CCDC74B: variants seen among roughly 807,000 people sequenced by gnomAD.
The protein encoded by CCDC74B is coiled-coil domain containing 74B.
A neutral mutation model predicts 38.0 loss-of-function variants in CCDC74B; 34 were observed. That is an observed-to-expected ratio of 0.89 (90% confidence interval 0.68 to 1.19). The LOEUF is 1.19. Among genes scored for constraint, CCDC74B ranks in the 50% most tolerant of loss-of-function variants. The pLI, the probability that CCDC74B is intolerant of heterozygous loss-of-function variation, is 0.00. For synonymous variants in CCDC74B, 132 were observed against 170.4 expected (o/e 0.77, Z 1.76); for missense variants, 358 against 406.0 (o/e 0.88, Z 1.02).
Position 130,139,671 on chromosome 2 carries a change from C to T in CCDC74B, c.829G>A (p.Val277Met). The part of the protein sequence containing the change: ...SKKCLLLSPP[V>M]AERAILPALK... ...GCGGGCAGGATGGCACGCTCCGCCA[C>T]AGGTGGGCTCAGAAGCAGGCTGGGG... The change falls in exon 8 of 8, where the codon GTG becomes ATG. Residue 277 changes from valine to methionine, a missense_variant. Physicochemically the swap from Val to Met is conservative, Grantham distance 21 (BLOSUM62 1). Coordinates refer to ENST00000409943, the MANE Select transcript of CCDC74B (RefSeq NM_001258307.2). 1 of 1,613,130 alleles carries T rather than the reference C, an allele frequency of 6.2e-7. No individual in the cohort carries two copies. Among genetic ancestry groups the T allele is most frequent in the Admixed American group, 1.7e-5 (1 of 60,008 alleles).
chr2:130,142,107 G>A (rs372365368), intron 3 of CCDC74B, 26 bp downstream of exon 3: 178 of 1,608,704 alleles, frequency 1.1e-4, no homozygotes, highest in Non-Finnish European at 1.4e-4. Context: ...TCACCCCTGT[G>A]AGCACATGGA....
At chr2:130,140,809 C>T in intron 4 of CCDC74B, 1 of 263,544 alleles carries the variant, frequency 3.8e-6, no homozygotes, top group Middle Eastern at 1.1e-3. Flanking sequence ...TAGTGCCCTC[C>T]AAAGGCAGGC....
chr2:130,143,314 C>G lies in CCDC74B; in HGVS notation c.251-1G>C. ...TTCATTATGAGCTTGTAACGGAGATCTGAAAGCAAGCACACGCTCTCCTCA... is the reference window on the plus strand; with the variant it reads ...TTCATTATGAGCTTGTAACGGAGATGTGAAAGCAAGCACACGCTCTCCTCA... On this transcript the variant is annotated splice_acceptor_variant, in intron 1 of 7. Coordinates refer to ENST00000409943, the MANE Select transcript of CCDC74B (RefSeq NM_001258307.2). LOFTEE classifies it high-confidence loss of function. 1.2e-6 allele frequency: 2 copies of G among 1,614,012 alleles called. No homozygotes were observed. Among genetic ancestry groups the G allele is most frequent in the Non-Finnish European group, 1.7e-6 (2 of 1,179,860 alleles).
At chr2:130,140,125 G>A in intron 5 of CCDC74B, 29 bp from the exon 6 acceptor site, 1 of 1,612,488 alleles carries the variant, frequency 6.2e-7, no homozygotes, top group Non-Finnish European at 8.5e-7. Flanking sequence ...GGCGTGGTGG[G>A]GCCTGTGGCG....
chr2:130,143,455 C>T (rs1365488744), intron 1 of CCDC74B, 142 bp from the exon 2 acceptor site: 12 of 1,110,616 alleles, frequency 1.1e-5, no homozygotes, highest in East Asian at 2.4e-5. Flanking sequence ...CCATGGATCC[C>T]GCTCTCCACC....
rs572772270 is a variant in CCDC74B at position 130,144,748 on chromosome 2, C to G, written c.249G>C (p.Lys83Asn). The change falls in exon 1 of 8, where the codon AAG becomes AAC. Residue 83 changes from lysine to asparagine, a missense_variant and splice_region_variant. Around this residue, in one of 3 missense-constraint regions of CCDC74B, gnomAD observed 128 missense variants for 146.7 expected, o/e 0.87. Coordinates refer to ENST00000409943, the MANE Select transcript of CCDC74B (RefSeq NM_001258307.2). ...EEIEHLKRENKDLRYKLIMNQ... is the reference protein window; with the variant it reads ...EEIEHLKRENNDLRYKLIMNQ... ...GCCTAGGGCCCCGCGCCGGCTCACC[C>G]TTGTTTTCCCGCTTCAGATGCTCGA... The G allele has an allele frequency of 1.9e-5, 30 of 1,612,074 alleles. No homozygotes were observed. In the East Asian group the frequency reaches 5.8e-4, roughly 31 times the overall value.
chr2:130,139,929 A>G lies in CCDC74B; in HGVS notation c.771T>C (p.His257=), dbSNP rs561795482. 12 of 1,612,110 alleles carry G rather than the reference A, an allele frequency of 7.4e-6. No individual in the cohort carries two copies. The East Asian group carries it at 2.0e-4, about 27-fold the overall frequency. ...ASFPRDQEAT[H]FPKVSTKSLS... is the part of the protein sequence containing the mutation. ...GGCTCTTGGTGGAGACCTTGGGGAAATGCGTGGCTTCTTGGTCCCTGGGTG... is the reference window on the plus strand; with the variant it reads ...GGCTCTTGGTGGAGACCTTGGGGAAGTGCGTGGCTTCTTGGTCCCTGGGTG... The change falls in exon 7 of 8, where the codon CAT becomes CAC. Residue 257 remains histidine (H), a synonymous_variant. Transcript: ENST00000409943.
At chr2:130,141,961 A>AACCCCACCCCGTGGCT in intron 3 of CCDC74B, 172 bp downstream of exon 3, 1 of 789,264 alleles carries the variant, frequency 1.3e-6, no homozygotes, top group Non-Finnish European at 1.9e-6. Context: ...CCCCCCCTTA[A>AACCCCACCCCGTGGCT]TCCCCTCCCG....
chr2:130,145,111 T>TGGCGGG lies in CCDC74B; in HGVS notation c.-116_-115insCCCGCC, dbSNP rs1685958810. 1.4e-6 allele frequency: 2 copies of TGGCGGG among 1,384,996 alleles called. No homozygotes were observed. Among genetic ancestry groups the TGGCGGG allele is most frequent in the Non-Finnish European group, 1.9e-6 (2 of 1,067,258 alleles). The allele number at this position is 1,384,996 out of a possible 1,614,324, so 85.8% of individuals were successfully genotyped here. On this transcript the variant is annotated 5_prime_UTR_variant, in exon 1 of 8. Coordinates refer to ENST00000409943, the MANE Select transcript of CCDC74B (RefSeq NM_001258307.2). ...CGGGCGACGGAGGGCGCCAGGCGTTTGGCGGGGGCGGGGCCTGTCGCTGGC... is the reference window on the plus strand; with the variant it reads ...CGGGCGACGGAGGGCGCCAGGCGTTTGGCGGGGGCGGGGGCGGGGCCTGTCGCTGGC...
In CCDC74B at chr2:130,144,900, A is replaced by G. The variant is rs1685939346; in HGVS notation, c.97T>C (p.Ser33Pro). 1 of 1,594,594 alleles carries G rather than the reference A, an allele frequency of 6.3e-7. No individual in the cohort carries two copies. The highest frequency in any genetic ancestry group is 8.5e-7 in the Non-Finnish European group (1 of 1,174,772). ...AGCTGCGGGCTCTGCGGCCTCAAGG[A>G]CTGGACGCCCACAGAGGGGCGCTGG... ...RRQRPSVGVQ[S>P]LRPQSPQLRQ... The change falls in exon 1 of 8, where the codon TCC becomes CCC. Residue 33 changes from serine (S) to proline (P), a missense_variant. Coordinates refer to ENST00000409943, the MANE Select transcript of CCDC74B (RefSeq NM_001258307.2).
At chr2:130,139,756 C>A in intron 7 of CCDC74B, 66 bp from the exon 8 acceptor site, 1 of 1,607,102 alleles carries the variant, frequency 6.2e-7, no homozygotes, top group Non-Finnish European at 8.5e-7. Context: ...GGGAGTGCGG[C>A]CTGCATGGCC....
intron 1 of CCDC74B, among the ~76,000 whole-genome samples, chr2:130,144,208 C>G (rs573040928): frequency 1.3e-5 from 2 of 152,132 alleles, no homozygotes; most frequent in South Asian, 2.1e-4. Context: ...GGCAAGATCT[C>G]GGCTCACTGC....
chr2:130,144,149 G>GTT (rs941002806), intron 1 of CCDC74B, among the ~76,000 whole-genome samples: 2 of 152,002 alleles, frequency 1.3e-5, no homozygotes, highest in South Asian at 4.2e-4. Context: ...GTTTGTTTTT[G>GTT]TTTTTTTTGA....
At chr2:130,140,894 C>T (rs2259366) in intron 4 of CCDC74B, 72,942 of 210,830 alleles carry the variant, frequency 0.35, 15,361 homozygotes, top group African/African-American at 0.69. Flanking sequence ...GTTTAGGGGC[C>T]GCTACTGGCC....
rs1478471369 is a variant in CCDC74B at position 130,142,670 on chromosome 2, C to T, written c.296-487G>A. 6.5e-6 allele frequency: 10 copies of T among 1,543,298 alleles called. No homozygotes were observed. The East Asian group carries it at 2.0e-4, about 30-fold the overall frequency. On this transcript the variant is annotated intron_variant, in intron 2 of 7. Coordinates refer to ENST00000409943, the MANE Select transcript of CCDC74B (RefSeq NM_001258307.2). The stretch of plus-strand genomic sequence containing the variant: ...GTCAGATGTCCTCCTGATGTCAGCC[C>T]CAGCCCCAAAGATAACGGGAAGTGA...
Position 130,144,921 on chromosome 2 carries a change from G to C in CCDC74B, c.76C>G (p.Arg26Gly), listed in dbSNP as rs573987925. 651 of 1,547,926 alleles carry C rather than the reference G, an allele frequency of 4.2e-4. 2 individuals are homozygous for C. The Middle Eastern group carries it at 9.4e-3, about 22-fold the overall frequency. ...PTPGSRRRRQ[R>G]PSVGVQSLRP... ...AAGGACTGGACGCCCACAGAGGGGC[G>C]CTGGCGCCGGCGCCGAGAGCCCGGG... The change falls in exon 1 of 8, where the codon CGC (arginine) becomes GGC (glycine). Residue 26 changes from arginine to glycine, a missense_variant. Coordinates refer to ENST00000409943, the MANE Select transcript of CCDC74B (RefSeq NM_001258307.2).
chr2:130,142,439 C>T, intron 2 of CCDC74B: 2 of 1,613,340 alleles, frequency 1.2e-6, no homozygotes, highest in South Asian at 1.1e-5. Flanking sequence ...GAGAGCATGG[C>T]CTCTTCCCGT....
chr2:130,143,198 A>G, intron 2 of CCDC74B, 71 bp downstream of exon 2: 3 of 1,574,642 alleles, frequency 1.9e-6, no homozygotes, highest in Non-Finnish European at 2.6e-6. Context: ...CCAGGTGGGC[A>G]AGGACAGTCT....
chr2:130,142,048 C>G, intron 3 of CCDC74B, 85 bp downstream of exon 3: 4 of 1,573,358 alleles, frequency 2.5e-6, no homozygotes, highest in Non-Finnish European at 3.5e-6. Context: ...CAGAGGGTAC[C>G]TGGTCAGCAC....
Sources: allele counts gnomAD v4.1 joint callset (sites outside exome capture counted in the v4.1 genomes callset), GRCh38; gene constraint gnomAD v4.1.1; regional missense constraint gnomAD v4.1.1; transcripts MANE v1.5; gene names NCBI Gene and HGNC (gene_info 2026-07-23, HGNC 2026-07-21).